The following ZNF407 variants were observed in gnomAD, a reference collection of about 807,000 sequenced individuals.
ZNF407 encodes zinc finger protein 407.
ZNF407 carries 17 observed loss-of-function variants against 131.2 expected under a neutral mutation model. The observed-to-expected ratio is 0.13, with a 90% CI of 0.09 to 0.19. The LOEUF (loss-of-function observed/expected upper bound fraction) is 0.19, where lower values mean the gene tolerates loss of function less well. ZNF407 is among the 10% of genes least tolerant of loss of function. The pLI is 1.00. For synonymous variants in ZNF407, 1,156 were observed against 1,062.0 expected (o/e 1.09, Z -1.72); for missense variants, 2,681 against 2,830.6 (o/e 0.95, Z 1.20).
chr18:75,013,810 C>T (rs546562936), intron 8 of ZNF407, among the ~76,000 whole-genome samples: 1 of 152,162 alleles, frequency 6.6e-6, no homozygotes, highest in Non-Finnish European at 1.5e-5. Flanking sequence ...TACTGCTTGC[C>T]TTATGTTTTT....
At chr18:74,620,604 T>C (rs1983472502) in intron 1 of ZNF407, among the ~76,000 whole-genome samples, 1 of 152,214 alleles carries the variant, frequency 6.6e-6, no homozygotes, top group Admixed American at 6.5e-5. Context: ...TCTGACCACT[T>C]GGGCATGGGA....
At chr18:74,755,818 TCCTCCCTCCCTCC>T (rs1375065337) in intron 3 of ZNF407, among the ~76,000 whole-genome samples, 6 of 119,158 alleles carry the variant, frequency 5.0e-5, no homozygotes, top group Admixed American at 4.3e-4. Flanking sequence ...GTTCATTCAT[TCCTCCCTCCCTCC>T]CTTCCCTCCC....
At chr18:74,951,561 G>T (rs1049577436) in intron 8 of ZNF407, among the ~76,000 whole-genome samples, 1 of 152,032 alleles carries the variant, frequency 6.6e-6, no homozygotes, top group Non-Finnish European at 1.5e-5. Flanking sequence ...CTGCTTCCTT[G>T]ATCATCATCA....
At chr18:75,002,293 G>A (rs368211785) in intron 8 of ZNF407, among the ~76,000 whole-genome samples, 114 of 152,344 alleles carry the variant, frequency 7.5e-4, no homozygotes, top group African/African-American at 2.7e-3. Context: ...GAAGCCACTA[G>A]GGTAATAGAC....
intron 4 of ZNF407, among the ~76,000 whole-genome samples, chr18:74,860,700 T>C (rs2145158891): frequency 6.6e-6 from 1 of 152,194 alleles, no homozygotes; most frequent in South Asian, 2.1e-4. Context: ...TTGGGTATCA[T>C]AGTGGGGATA....
At chr18:74,677,870 G>A (rs931413605) in intron 3 of ZNF407, among the ~76,000 whole-genome samples, 1 of 152,052 alleles carries the variant, frequency 6.6e-6, no homozygotes, top group Non-Finnish European at 1.5e-5. Flanking sequence ...TGCCTAGGCT[G>A]GAGTGCAGTG....
At chr18:74,863,098 T>C (rs1426850779) in intron 4 of ZNF407, among the ~76,000 whole-genome samples, 4 of 151,802 alleles carry the variant, frequency 2.6e-5, no homozygotes, top group Non-Finnish European at 5.9e-5. Flanking sequence ...TTTTTATATT[T>C]TTAGTAGGGA....
At chr18:74,658,239 C>T (rs1462136143) in intron 3 of ZNF407, among the ~76,000 whole-genome samples, 1 of 152,042 alleles carries the variant, frequency 6.6e-6, no homozygotes, top group Non-Finnish European at 1.5e-5. Flanking sequence ...CTGCCTCAGC[C>T]TCCCGAGCAG....
chr18:74,852,095 A>C (rs889974244), intron 4 of ZNF407, among the ~76,000 whole-genome samples: 1 of 152,074 alleles, frequency 6.6e-6, no homozygotes, highest in Admixed American at 6.5e-5. Flanking sequence ...GGCAGAGAAT[A>C]GGAACGCTGA....
chr18:74,968,471 C>G (rs1416381885), intron 8 of ZNF407, among the ~76,000 whole-genome samples: 1 of 152,154 alleles, frequency 6.6e-6, no homozygotes. Flanking sequence ...CTCCCTTTAA[C>G]TAGAATTTTG....
At chr18:74,911,001 A>G (rs1971662769) in intron 7 of ZNF407, among the ~76,000 whole-genome samples, 1 of 152,096 alleles carries the variant, frequency 6.6e-6, no homozygotes, top group South Asian at 2.1e-4. Flanking sequence ...GAATTGTAAT[A>G]TGTGTGTGTT....
intron 1 of ZNF407, among the ~76,000 whole-genome samples, chr18:74,624,438 A>G (rs991261655): frequency 3.3e-5 from 5 of 152,268 alleles, no homozygotes; most frequent in Middle Eastern, 3.4e-3. Context: ...TGGCTTTGAG[A>G]TACCTATTAA....
At chr18:75,037,333 A>T (rs189494343) in intron 8 of ZNF407, among the ~76,000 whole-genome samples, 2 of 152,272 alleles carry the variant, frequency 1.3e-5, no homozygotes, top group African/African-American at 4.8e-5. Flanking sequence ...TGTGCCGATG[A>T]TGCTTTTTGG....
intron 8 of ZNF407, among the ~76,000 whole-genome samples, chr18:74,923,894 T>TTA (rs1212592638): frequency 6.6e-6 from 1 of 152,188 alleles, no homozygotes; most frequent in African/African-American, 2.4e-5. Flanking sequence ...TCTTTTACTT[T>TTA]AGTATTTGTA....
intron 8 of ZNF407, among the ~76,000 whole-genome samples, chr18:74,996,445 T>C (rs187854580): frequency 6.6e-6 from 1 of 152,324 alleles, no homozygotes; most frequent in Non-Finnish European, 1.5e-5. Context: ...TCTGGATGTG[T>C]TTTTATTTTA....
chr18:75,024,427 C>T (rs1314562930), intron 8 of ZNF407, among the ~76,000 whole-genome samples: 1 of 152,172 alleles, frequency 6.6e-6, no homozygotes, highest in African/African-American at 2.4e-5. Flanking sequence ...TCTGTTAAGA[C>T]AGGGAAATAA....
Position 75,048,310 on chromosome 18 carries a change from T to A in ZNF407, c.5429-14840T>A, listed in dbSNP as rs1973459433. The stretch of plus-strand genomic sequence containing the variant: ...TTTTTGTCTACATGGTATTTCTTTT[T>A]GGCATTTGCCATGGTTGGTCCCTCT... On this transcript the variant is annotated intron_variant, in intron 8 of 8. Coordinates refer to ENST00000299687, the MANE Select transcript of ZNF407 (RefSeq NM_017757.3). This position sits in a 1 kb window ranked among gnomAD's most constrained non-coding sequence, Gnocchi z 4.1. 6.6e-6 allele frequency among the ~76,000 whole-genome samples: 1 copy of A among 152,266 alleles called. No homozygotes were observed. The highest frequency in any genetic ancestry group is 1.5e-5 in the Non-Finnish European group (1 of 68,042).
intron 3 of ZNF407, among the ~76,000 whole-genome samples, chr18:74,742,837 T>C (rs12454574): frequency 0.8 from 121,133 of 152,028 alleles, 51,920 homozygotes; most frequent in East Asian, 0.96. Context: ...TAAAAAACAA[T>C]GTGGTTACCT....
intron 3 of ZNF407, among the ~76,000 whole-genome samples, chr18:74,678,564 G>A (rs1966907110): frequency 6.6e-6 from 1 of 152,138 alleles, no homozygotes; most frequent in Non-Finnish European, 1.5e-5. Flanking sequence ...TTATCTTCAT[G>A]ATTTTCTTTG....
Sources: allele counts gnomAD v4.1 joint callset (sites outside exome capture counted in the v4.1 genomes callset), GRCh38; gene constraint gnomAD v4.1.1; non-coding constraint Gnocchi (gnomAD v3.1); transcripts MANE v1.5; gene names NCBI Gene and HGNC (gene_info 2026-07-23, HGNC 2026-07-21).